The following FGG variants were observed in gnomAD, a reference collection of about 807,000 sequenced individuals.
FGG encodes fibrinogen gamma chain.
FGG carries 20 observed loss-of-function variants against 51.7 expected under a neutral mutation model. The observed-to-expected ratio is 0.39, with a 90% CI of 0.27 to 0.56. The LOEUF is 0.56. FGG is among the 20% of genes least tolerant of loss of function. FGG has a pLI of 0.64. For synonymous variants in FGG, 184 were observed against 184.7 expected (o/e 1.00, Z 0.03); for missense variants, 460 against 534.2 (o/e 0.86, Z 1.37).
At chr4:154,607,010 A>T (rs933718025) in intron 7 of FGG, 28 bp from the exon 8 acceptor site, 1 of 1,538,680 alleles carries the variant, frequency 6.5e-7, no homozygotes, top group Non-Finnish European at 8.8e-7. Context: ...CAACCATCAC[A>T]TGCTGACCCT....
intron 8 of FGG, among the ~76,000 whole-genome samples, chr4:154,606,289 T>C (rs978850382): frequency 2.6e-5 from 4 of 152,178 alleles, no homozygotes; most frequent in Non-Finnish European, 4.4e-5. Flanking sequence ...CTTCTCTTTA[T>C]TCTGTTCCTC....
In FGG at chr4:154,606,870, CA is replaced by C. The variant is rs1414035000; in HGVS notation, c.963del (p.Phe321LeufsTer42). ...DAGDAFDGFD[F>X]GDDPSDKFFT... Reference sequence around the variant, plus strand: ...AAAAACTTGTCACTAGGATCATCGCCAAAATCAAAGCCATCAAAGGCATCTC... The same window carrying C: ...AAAAACTTGTCACTAGGATCATCGCCAAATCAAAGCCATCAAAGGCATCTC... On this transcript the variant is annotated frameshift_variant, in exon 8 of 9. Transcript: ENST00000336098. LOFTEE classifies it high-confidence loss of function. 4 of 1,613,760 alleles carry C rather than the reference CA, an allele frequency of 2.5e-6. No individual in the cohort carries two copies. Among genetic ancestry groups the C allele is most frequent in the Non-Finnish European group, 3.4e-6 (4 of 1,179,838 alleles).
rs538300763 is a variant in FGG at position 154,612,629 on chromosome 4, C to T, written c.-20G>A. On this transcript the variant is annotated 5_prime_UTR_variant, in exon 1 of 9. Coordinates refer to ENST00000336098, the MANE Select transcript of FGG (RefSeq NM_021870.3). ...ACTCATGATGTCTGAGTGCCCGGAGCTCCGAGCCTTGTAGTGTCAGCACTG... is the reference window on the plus strand; with the variant it reads ...ACTCATGATGTCTGAGTGCCCGGAGTTCCGAGCCTTGTAGTGTCAGCACTG... 6.2e-7 allele frequency: 1 copy of T among 1,611,884 alleles called. No homozygotes were observed. Among genetic ancestry groups the T allele is most frequent in the Non-Finnish European group, 8.5e-7 (1 of 1,178,280 alleles).
chr4:154,612,536 A>C lies in FGG; in HGVS notation c.74T>G (p.Val25Gly), dbSNP rs62637584. The C allele has an allele frequency of 6.2e-7, 1 of 1,614,020 alleles. No individual in the cohort carries two copies. The highest frequency in any genetic ancestry group is 8.5e-7 in the Non-Finnish European group (1 of 1,179,866). The change falls in exon 1 of 9, where the codon GTA (valine) becomes GGA (glycine). Residue 25 changes from valine to glycine, a missense_variant. Around this residue, in one of 3 missense-constraint regions of FGG, gnomAD observed 353 missense variants for 391.7 expected, o/e 0.90. Transcript: ENST00000336098. ...YALLFLSSTC[V>G]AYVATRDNCC... ...TTTTGTGAAGAGCACACTTACTGCTACACATGTTGAAGAGAGAAATAAAAG... is the reference window on the plus strand; with the variant it reads ...TTTTGTGAAGAGCACACTTACTGCTCCACATGTTGAAGAGAGAAATAAAAG...
chr4:154,608,618 G>A lies in FGG; in HGVS notation c.699C>T (p.Asn233=), dbSNP rs867457963. Reference sequence around the variant, plus strand: ...CAAATCCTTCTTTATATTGAATCCAGTTTTTCTTGAAATCTACACTGCCAT... The same window carrying A: ...CAAATCCTTCTTTATATTGAATCCAATTTTTCTTGAAATCTACACTGCCAT... The part of the protein sequence containing the change: ...RLDGSVDFKK[N]WIQYKEGFGH... Residue 233 remains asparagine, a synonymous_variant, in exon 7 of 9, where the codon AAC becomes AAT. Coordinates refer to ENST00000336098, the MANE Select transcript of FGG (RefSeq NM_021870.3). 6.2e-7 allele frequency: 1 copy of A among 1,612,630 alleles called. No homozygotes were observed. Among genetic ancestry groups the A allele is most frequent in the South Asian group, 1.1e-5 (1 of 91,046 alleles).
intron 8 of FGG, among the ~76,000 whole-genome samples, chr4:154,606,228 C>A (rs1256729850): frequency 6.6e-6 from 1 of 152,158 alleles, no homozygotes; most frequent in Non-Finnish European, 1.5e-5. Context: ...TGTCCTCAGA[C>A]TGGTCTCTTC....
intron 4 of FGG, among the ~76,000 whole-genome samples, chr4:154,610,849 C>T (rs1245094135): frequency 6.6e-6 from 1 of 152,118 alleles, no homozygotes; most frequent in Admixed American, 6.6e-5. Flanking sequence ...AGTAAAAACC[C>T]TCCTTTTGTA....
rs1265079892 is a variant in FGG at position 154,604,188 on chromosome 4, A to G, written c.*646T>C. 2.0e-6 allele frequency: 1 copy of G among 504,238 alleles called. No individual in the cohort carries two copies. The highest frequency in any genetic ancestry group is 2.8e-4 in the Middle Eastern group (1 of 3,554). The allele number at this position is 504,238 out of a possible 1,614,324, so 31.2% of individuals were successfully genotyped here. The stretch of plus-strand genomic sequence containing the variant: ...AAATGCATGTAGATAAATTATCATC[A>G]GCATAAAACTGTTATGGAGTTTTCA... On this transcript the variant is annotated 3_prime_UTR_variant, in exon 9 of 9. Transcript: ENST00000336098.
intron 8 of FGG, 63 bp downstream of exon 8, chr4:154,606,641 AT>A: frequency 6.7e-7 from 1 of 1,488,432 alleles, no homozygotes; most frequent in South Asian, 1.2e-5. Context: ...ATATCTATTT[AT>A]TATTTTTTAT....
chr4:154,604,876 C>A lies in FGG; in HGVS notation c.1320G>T (p.Ala440=). The A allele has an allele frequency of 6.2e-7, 1 of 1,614,006 alleles. No individual in the cohort carries two copies. The change falls in exon 9 of 9, where the codon GCG becomes GCT. Residue 440 remains alanine (A), a synonymous_variant. Transcript: ENST00000336098. ...GAKQVRPEHP[A]ETEYDSLYPE... ...GGTAAAGTGAGTCATATTCTGTTTCCGCAGGGTGCTCTGGTCTGACCTGTT... is the reference window on the plus strand; with the variant it reads ...GGTAAAGTGAGTCATATTCTGTTTCAGCAGGGTGCTCTGGTCTGACCTGTT...
Position 154,608,740 on chromosome 4 carries a change from G to A in FGG, c.667-90C>T. 3.3e-6 allele frequency: 4 copies of A among 1,229,082 alleles called. No homozygotes were observed. In the South Asian group the frequency reaches 4.9e-5, roughly 15 times the overall value. 76.1% of individuals were successfully genotyped at this position (1,229,082 alleles called of 1,614,324 possible). ...GTCAACATTTTGTCAAAAATACAGA[G>A]CACTGGTTCTATCAACTCCCAACTA... On this transcript the variant is annotated intron_variant, in intron 6 of 8. Coordinates refer to ENST00000336098, the MANE Select transcript of FGG (RefSeq NM_021870.3).
Position 154,604,183 on chromosome 4 carries a change from T to A in FGG, c.*651A>T. On this transcript the variant is annotated 3_prime_UTR_variant, in exon 9 of 9. Coordinates refer to ENST00000336098, the MANE Select transcript of FGG (RefSeq NM_021870.3). Reference sequence around the variant, plus strand: ...TATTGAAATGCATGTAGATAAATTATCATCAGCATAAAACTGTTATGGAGT... The same window carrying A: ...TATTGAAATGCATGTAGATAAATTAACATCAGCATAAAACTGTTATGGAGT... 2.0e-6 allele frequency: 1 copy of A among 497,944 alleles called. No homozygotes were observed. The highest frequency in any genetic ancestry group is 3.5e-5 in the East Asian group (1 of 28,516). 30.8% of individuals were successfully genotyped at this position (497,944 alleles called of 1,614,324 possible). A position where few individuals can be genotyped will look rare whatever the true frequency, so the allele number is the denominator to read the frequency against.
chr4:154,608,726 G>T, intron 6 of FGG, 76 bp from the exon 7 acceptor site: 2 of 1,394,220 alleles, frequency 1.4e-6, no homozygotes, highest in Non-Finnish European at 2.0e-6. Flanking sequence ...TCAACATTTT[G>T]TCAAAAATAC....
At chr4:154,609,842 A>G (rs1731169487) in intron 5 of FGG, 79 bp from the exon 6 acceptor site, 16 of 1,596,308 alleles carry the variant, frequency 1.0e-5, no homozygotes, top group Admixed American at 1.7e-5. Flanking sequence ...AGCTTTTAAC[A>G]TGTAGTAAAC....
At position 154,610,108 on chromosome 4, in the gene FGG, G is replaced by A; in HGVS notation, c.491C>T (p.Pro164Leu). ...ATGGATTTGCACCGTGTCTTTGCAA[G>A]GTTCCTGGCACTGTGCTTCAAGCTG... is the stretch of plus-strand genomic sequence containing the variant. ...VAQLEAQCQE[P>L]CKDTVQIHDI... The change falls in exon 5 of 9, where the codon CCT becomes CTT. Residue 164 changes from proline to leucine, a missense_variant. Physicochemically the swap from Pro to Leu is moderately conservative, Grantham distance 98. Around this residue, in one of 3 missense-constraint regions of FGG, gnomAD observed 353 missense variants for 391.7 expected, o/e 0.90. Transcript: ENST00000336098. 6.2e-7 allele frequency: 1 copy of A among 1,613,774 alleles called. No homozygotes were observed. Among genetic ancestry groups the A allele is most frequent in the Non-Finnish European group, 8.5e-7 (1 of 1,179,798 alleles).
chr4:154,612,488 C>T lies in FGG; in HGVS notation c.78+44G>A, dbSNP rs910902904. 8 of 1,613,682 alleles carry T rather than the reference C, an allele frequency of 5.0e-6. No individual in the cohort carries two copies. In the African/African-American group the frequency reaches 6.7e-5, roughly 13 times the overall value. On this transcript the variant is annotated intron_variant, in intron 1 of 8. Coordinates refer to ENST00000336098, the MANE Select transcript of FGG (RefSeq NM_021870.3). Reference sequence around the variant, plus strand: ...ACTAGTTTATTATCTGTTTTATTTTCCAGCTTTCCATTTTAAACAACGTTT... The same window carrying T: ...ACTAGTTTATTATCTGTTTTATTTTTCAGCTTTCCATTTTAAACAACGTTT...
intron 4 of FGG, among the ~76,000 whole-genome samples, chr4:154,610,982 C>CT (rs1731200572): frequency 6.6e-6 from 1 of 152,046 alleles, no homozygotes; most frequent in African/African-American, 2.4e-5. Context: ...TTCCCTCTAC[C>CT]TTGTCTTAGG....
In FGG at chr4:154,612,041, T is replaced by C; in HGVS notation, c.284A>G (p.Asn95Ser). 1.2e-6 allele frequency: 2 copies of C among 1,613,060 alleles called. No individual in the cohort carries two copies. The highest frequency in any genetic ancestry group is 1.7e-6 in the Non-Finnish European group (2 of 1,179,744). ...QLIKAIQLTY[N>S]PDESSKPNMI... is the part of the protein sequence containing the mutation. ...ACTTGGTTTTGATGATTCATCAGGA[T>C]TATAAGTGAGTTGGATTGCTTTTAT... The change falls in exon 3 of 9, where the codon AAT (asparagine) becomes AGT (serine). Residue 95 changes from asparagine to serine, a missense_variant. Asn to Ser is a conservative substitution (Grantham distance 46). Around this residue, in one of 3 missense-constraint regions of FGG, gnomAD observed 353 missense variants for 391.7 expected, o/e 0.90. Transcript: ENST00000336098.
chr4:154,610,839 A>G (rs1304300952), intron 4 of FGG, among the ~76,000 whole-genome samples: 1 of 152,190 alleles, frequency 6.6e-6, no homozygotes, highest in East Asian at 1.9e-4. Context: ...GACTGGGGGA[A>G]GTAAAAACCC....
Sources: gnomAD v4.1 joint callset for allele counts (sites outside exome capture counted in the v4.1 genomes callset) on GRCh38, gnomAD v4.1.1 for gene constraint, gnomAD v4.1.1 regional missense constraint, MANE v1.5 for transcripts, NCBI Gene and HGNC (gene_info 2026-07-23, HGNC 2026-07-21) for gene names.